Variants in PACRG observed in about 807,000 individuals in gnomAD.
PACRG encodes the protein parkin coregulated.
Under a neutral mutation model 29.7 loss-of-function variants are expected in PACRG, and 29 were observed. That is an observed-to-expected ratio of 0.98 (90% confidence interval 0.73 to 1.33). PACRG has a LOEUF of 1.33. Among genes scored for constraint, PACRG ranks in the 40% most tolerant of loss-of-function variants. PACRG has a pLI of 0.00. For synonymous variants in PACRG, 116 were observed against 118.7 expected (o/e 0.98, Z 0.15); for missense variants, 279 against 316.2 (o/e 0.88, Z 0.89).
chr6:162,743,788 G>A (rs1780778677), intron 1 of PACRG, among the ~76,000 whole-genome samples: 4 of 151,946 alleles, frequency 2.6e-5, no homozygotes, highest in South Asian at 2.1e-4. Context: ...AGAGTTGCAC[G>A]TATATCACCA....
intron 4 of PACRG, chr6:163,095,330 G>T: frequency 8.1e-6 from 8 of 985,306 alleles, no homozygotes; most frequent in Non-Finnish European, 8.4e-6. Flanking sequence ...GCTCTTCTCT[G>T]TAGACCTCCC....
chr6:163,291,302 C>A lies in PACRG; in HGVS notation c.614-23525C>A, dbSNP rs1784598561. 2.4e-5 allele frequency among the ~76,000 whole-genome samples: 3 copies of A among 124,890 alleles called. No homozygotes were observed. In the Admixed American group the frequency reaches 2.5e-4, roughly 11 times the overall value. 81.9% of individuals were successfully genotyped at this position (124,890 alleles called of 152,430 possible). A position where few individuals can be genotyped will look rare whatever the true frequency, so the allele number is the denominator to read the frequency against. ...CAGAGCTGGCCTGCGGGTCACCCTG[C>A]AAGATGACCCTCTGCCCGCCAGAGC... is the stretch of plus-strand genomic sequence containing the variant. On this transcript the variant is annotated intron_variant, in intron 4 of 4. Transcript: ENST00000366888.
At chr6:163,262,511 G>C (rs1239561166) in intron 4 of PACRG, among the ~76,000 whole-genome samples, 1 of 143,400 alleles carries the variant, frequency 7.0e-6, no homozygotes, top group Non-Finnish European at 1.5e-5. Context: ...GATCTACTCA[G>C]TTACAACATG....
At chr6:163,139,384 T>TAATAAGGTACATTTGTACCC in intron 4 of PACRG, among the ~76,000 whole-genome samples, 1 of 152,376 alleles carries the variant, frequency 6.6e-6, no homozygotes, top group African/African-American at 2.4e-5. Context: ...ACCCTTATCC[T>TAATAAGGTACATTTGTACCC]AATAAGGTAC....
intron 2 of PACRG, among the ~76,000 whole-genome samples, chr6:162,899,432 C>T (rs545586591): frequency 6.6e-6 from 1 of 152,240 alleles, no homozygotes; most frequent in East Asian, 1.9e-4. Context: ...TTCGGCACCA[C>T]CTAGGAGCTG....
chr6:163,217,564 C>T (rs1310606122), intron 4 of PACRG, among the ~76,000 whole-genome samples: 1 of 152,308 alleles, frequency 6.6e-6, no homozygotes, highest in East Asian at 1.9e-4. Context: ...TGGACTGGCA[C>T]TGGTCTGTGC....
chr6:163,237,790 C>G (rs903223011), intron 4 of PACRG, among the ~76,000 whole-genome samples: 1 of 152,172 alleles, frequency 6.6e-6, no homozygotes, highest in Non-Finnish European at 1.5e-5. Flanking sequence ...ATGGCTCACA[C>G]TATTGAACTT....
chr6:163,313,431 T>C lies in PACRG; in HGVS notation c.614-1396T>C, dbSNP rs540359354. Among the ~76,000 whole-genome samples the C allele has an allele frequency of 8.1e-4, 123 of 152,250 alleles. No individual in the cohort carries two copies. The South Asian group carries it at 0.012, about 15-fold the overall frequency. ...GACAGTGATATTTCTCTAATAAGTT[T>C]CTGGAAAAATCAAGCAAAAGAACTG... On this transcript the variant is annotated intron_variant, in intron 4 of 4. Coordinates refer to ENST00000366888, the MANE Select transcript of PACRG (RefSeq NM_001080379.2).
intron 2 of PACRG, among the ~76,000 whole-genome samples, chr6:162,883,274 A>G (rs1038077752): frequency 4.6e-5 from 7 of 152,198 alleles, no homozygotes; most frequent in Admixed American, 3.3e-4. Context: ...TATCCAGGAA[A>G]GAGTTTTCCT....
In PACRG at chr6:162,965,361, A is replaced by T. The variant is rs113382386; in HGVS notation, c.292-96789A>T. ...AAATACTGTAAACTAGATATTTATA[A>T]GCAATAGAAATTTATTTCTCATAGC... On this transcript the variant is annotated intron_variant, in intron 2 of 4. Transcript: ENST00000366888. Among the ~76,000 whole-genome samples the T allele has an allele frequency of 9.1e-3, 1,382 of 152,342 alleles. 15 individuals carry two copies. Among genetic ancestry groups the T allele is most frequent in the African/African-American group, 0.024 (1,001 of 41,582 alleles).
At chr6:162,884,603 A>G (rs1794177457) in intron 2 of PACRG, among the ~76,000 whole-genome samples, 1 of 152,228 alleles carries the variant, frequency 6.6e-6, no homozygotes. Flanking sequence ...TAAGCAACTT[A>G]TGACTACTTC....
chr6:163,062,073 G>T, intron 2 of PACRG, 77 bp from the exon 3 acceptor site: 1 of 1,492,924 alleles, frequency 6.7e-7, no homozygotes, highest in South Asian at 1.3e-5. Flanking sequence ...TGGAGTGGGT[G>T]ACAGCTGCAT....
intron 2 of PACRG, among the ~76,000 whole-genome samples, chr6:163,003,274 A>T (rs1386171806): frequency 1.3e-5 from 2 of 152,240 alleles, no homozygotes; most frequent in East Asian, 3.8e-4. Flanking sequence ...TGGGATAATC[A>T]TCTCTTGCTG....
intron 4 of PACRG, chr6:163,191,966 G>C (rs1001492): frequency 0.04 from 12,967 of 323,496 alleles, 1,411 homozygotes; most frequent in African/African-American, 0.25. Context: ...TGCTATCTAC[G>C]GGGAAGCACC....
At chr6:162,967,162 A>C (rs546335198) in intron 2 of PACRG, among the ~76,000 whole-genome samples, 1 of 152,294 alleles carries the variant, frequency 6.6e-6, no homozygotes, top group South Asian at 2.1e-4. Flanking sequence ...TGCTTGCCTT[A>C]ATAACAGATG....
At chr6:162,891,820 G>T (rs750076629) in intron 2 of PACRG, among the ~76,000 whole-genome samples, 2 of 152,174 alleles carry the variant, frequency 1.3e-5, no homozygotes, top group Non-Finnish European at 2.9e-5. Flanking sequence ...ACTGGAATGA[G>T]CTGCTGATCC....
At chr6:163,299,911 C>T (rs1585411412) in intron 4 of PACRG, among the ~76,000 whole-genome samples, 1 of 152,152 alleles carries the variant, frequency 6.6e-6, no homozygotes, top group Non-Finnish European at 1.5e-5. Context: ...AATATATAGC[C>T]TAGACTGAGG....
chr6:162,797,154 A>G (rs936970309), intron 1 of PACRG, among the ~76,000 whole-genome samples: 11 of 152,130 alleles, frequency 7.2e-5, no homozygotes, highest in Admixed American at 3.3e-4. Context: ...CATGCCTGTA[A>G]TCCCAGCTAC....
chr6:163,120,724 A>G (rs533932489), intron 4 of PACRG, among the ~76,000 whole-genome samples: 7 of 152,120 alleles, frequency 4.6e-5, no homozygotes, highest in African/African-American at 1.7e-4. Context: ...TATAATACTC[A>G]TTTTAGCCAA....
Sources: gnomAD v4.1 joint callset for allele counts (sites outside exome capture counted in the v4.1 genomes callset) on GRCh38, gnomAD v4.1.1 for gene constraint, MANE v1.5 for transcripts, NCBI Gene and HGNC (gene_info 2026-07-23, HGNC 2026-07-21) for gene names.